TRPA1: variants seen among roughly 807,000 people sequenced by gnomAD.
TRPA1 encodes the protein transient receptor potential cation channel subfamily A member 1.
TRPA1 carries 129 observed loss-of-function variants against 131.3 expected under a neutral mutation model. That is an observed-to-expected ratio of 0.98 (90% CI 0.85 to 1.14). The LOEUF (loss-of-function observed/expected upper bound fraction) is 1.14, where lower values mean the gene tolerates loss of function less well. Ranked by LOEUF, TRPA1 falls within the 50% of genes most tolerant of loss-of-function variation. The pLI, the probability that TRPA1 is intolerant of heterozygous loss-of-function variation, is 0.00. For synonymous variants in TRPA1, 441 were observed against 451.7 expected, an observed-to-expected ratio of 0.98 and a Z score of 0.30; for missense variants, 1,304 against 1,354.2, an observed-to-expected ratio of 0.96 and a Z score of 0.58.
chr8:72,082,409 A>G, the TRPA1 span, among the ~76,000 whole-genome samples: 2 of 152,198 alleles, frequency 1.3e-5, no homozygotes, highest in Admixed American at 1.3e-4. Context: ...ACACAAACAC[A>G]CACACGGACT....
chr8:72,063,661 T>G (rs1805863139), intron 4 of TRPA1, 90 bp from the exon 5 acceptor site: 3 of 810,950 alleles, frequency 3.7e-6, no homozygotes, highest in African/African-American at 3.4e-5. Context: ...CCATATCATT[T>G]TACTATTATA....
chr8:72,065,553 C>G lies in TRPA1; in HGVS notation c.450G>C (p.Leu150Phe). The G allele has an allele frequency of 6.2e-7, 1 of 1,612,608 alleles. No homozygotes were observed. The highest frequency in any genetic ancestry group is 8.5e-7 in the Non-Finnish European group (1 of 1,179,068). Residue 150 changes from leucine (L) to phenylalanine (F), a missense_variant, in exon 4 of 27, where the codon TTG becomes TTC. Transcript: ENST00000262209. ...QGMNNEVMKV[L>F]LEHRTIDVNL... ...TAACATCAATAGTTCTATGCTCAAG[C>G]AAGACCTAAAAAAAGGGGAGAATAA...
rs914513728 is a variant in TRPA1 at position 72,056,921 on chromosome 8, A to G, written c.1190T>C (p.Met397Thr). The change falls in exon 10 of 27, where the codon ATG becomes ACG. Residue 397 changes from methionine to threonine, a missense_variant. By Grantham distance (81) the Met-to-Thr change is moderately conservative. Coordinates refer to ENST00000262209, the MANE Select transcript of TRPA1 (RefSeq NM_007332.3). Reference sequence around the variant, plus strand: ...CAATCCACAGATATACATTACCTGCATAAATTCAGGTCGCAGATTTTTTAA... The same window carrying G: ...CAATCCACAGATATACATTACCTGCGTAAATTCAGGTCGCAGATTTTTTAA... Reference protein sequence around the residue: ...YGLKNLRPEFMQMQQIKELVM... With the variant: ...YGLKNLRPEFTQMQQIKELVM... 3 of 1,605,912 alleles carry G rather than the reference A, an allele frequency of 1.9e-6. No homozygotes were observed. The highest frequency in any genetic ancestry group is 1.7e-6 in the Non-Finnish European group (2 of 1,175,722).
intron 21 of TRPA1, among the ~76,000 whole-genome samples, chr8:72,035,915 G>C (rs1812023140): frequency 6.6e-6 from 1 of 150,416 alleles, no homozygotes; most frequent in East Asian, 1.9e-4. Flanking sequence ...TAACTGGACT[G>C]GGGTGGATGC....
At chr8:72,046,847 G>A in intron 16 of TRPA1, among the ~76,000 whole-genome samples, 1 of 152,004 alleles carries the variant, frequency 6.6e-6, no homozygotes, top group South Asian at 2.1e-4. Flanking sequence ...GGCATGGAAA[G>A]AGAGGAGTTC....
chr8:72,078,172 A>T (rs1806224808), upstream of TRPA1, among the ~76,000 whole-genome samples: 1 of 151,992 alleles, frequency 6.6e-6, no homozygotes, highest in African/African-American at 2.4e-5. Context: ...AAAAATATTT[A>T]TTTTTAAAGT....
Position 72,075,490 on chromosome 8 carries a change from C to G in TRPA1, c.-81G>C. The G allele has an allele frequency of 8.2e-7, 1 of 1,218,858 alleles. No homozygotes were observed. The highest frequency in any genetic ancestry group is 1.2e-6 in the Non-Finnish European group (1 of 834,420). The allele number at this position is 1,218,858 out of a possible 1,614,324, so 75.5% of individuals were successfully genotyped here. On this transcript the variant is annotated 5_prime_UTR_variant, in exon 1 of 27. Transcript: ENST00000262209. ...GGGGCGAGAGAGCGCTGTCAGCCTGCCAGGCGCTGGGGTCCGCGCGAGCCC... is the reference window on the plus strand; with the variant it reads ...GGGGCGAGAGAGCGCTGTCAGCCTGGCAGGCGCTGGGGTCCGCGCGAGCCC...
intron 3 of TRPA1, among the ~76,000 whole-genome samples, chr8:72,068,003 G>A (rs142749990): frequency 6.6e-6 from 1 of 152,342 alleles, no homozygotes; most frequent in Non-Finnish European, 1.5e-5. Context: ...TAATTAGCCA[G>A]TAGGGAAGAA....
chr8:72,045,051 A>G (rs1812381512), intron 17 of TRPA1, among the ~76,000 whole-genome samples: 1 of 152,038 alleles, frequency 6.6e-6, no homozygotes, highest in South Asian at 2.1e-4. Flanking sequence ...AAAAACACAT[A>G]CATATGCAAC....
intron 13 of TRPA1, chr8:72,053,476 A>G: frequency 2.1e-6 from 1 of 465,462 alleles, no homozygotes; most frequent in Non-Finnish European, 4.0e-6. Flanking sequence ...TGGACCTACC[A>G]GGGAGTAAAC....
At chr8:72,046,964 A>C (rs1335353937) in intron 16 of TRPA1, among the ~76,000 whole-genome samples, 184 bp downstream of exon 16, 2 of 152,070 alleles carry the variant, frequency 1.3e-5, no homozygotes, top group Non-Finnish European at 2.9e-5. Flanking sequence ...AAACTATTAA[A>C]ATATTCGGGG....
chr8:72,048,690 G>A (rs573287320), intron 15 of TRPA1, among the ~76,000 whole-genome samples: 7 of 151,984 alleles, frequency 4.6e-5, no homozygotes, highest in African/African-American at 7.3e-5. Context: ...CATTATGTCC[G>A]GCTAAATTAA....
chr8:72,076,691 T>C (rs1806193637), upstream of TRPA1: 1 of 152,172 alleles, frequency 6.6e-6, no homozygotes, highest in Non-Finnish European at 1.5e-5. Flanking sequence ...AGAGTGGACA[T>C]GATGATATTG....
chr8:72,077,646 A>G (rs1806216133), upstream of TRPA1, among the ~76,000 whole-genome samples: 1 of 152,210 alleles, frequency 6.6e-6, no homozygotes, highest in Non-Finnish European at 1.5e-5. Context: ...AAGACCTCTC[A>G]GGAATTCCCA....
intron 1 of TRPA1, among the ~76,000 whole-genome samples, chr8:72,074,433 AT>A (rs926967939): frequency 6.6e-6 from 1 of 152,052 alleles, no homozygotes; most frequent in African/African-American, 2.4e-5. Flanking sequence ...TTGTGTAAGC[AT>A]TTTTTTTAAC....
At chr8:72,060,825 A>G (rs1201490227) in intron 7 of TRPA1, among the ~76,000 whole-genome samples, 1 of 150,738 alleles carries the variant, frequency 6.6e-6, no homozygotes, top group Non-Finnish European at 1.5e-5. Flanking sequence ...GCGTGCATTT[A>G]TTAGAAACAG....
At chr8:72,086,951 C>T in the TRPA1 span, among the ~76,000 whole-genome samples, 1 of 152,210 alleles carries the variant, frequency 6.6e-6, no homozygotes, top group Non-Finnish European at 1.5e-5. Flanking sequence ...GATCCCAGTA[C>T]TAAAATGGCC....
chr8:72,067,464 C>A (rs1468493247), intron 3 of TRPA1, among the ~76,000 whole-genome samples: 1 of 152,146 alleles, frequency 6.6e-6, no homozygotes, highest in African/African-American at 2.4e-5. Flanking sequence ...ATGTCTATCA[C>A]TGAGTTTATG....
chr8:72,086,086 A>G, the TRPA1 span, among the ~76,000 whole-genome samples: 8 of 151,988 alleles, frequency 5.3e-5, no homozygotes, highest in African/African-American at 1.9e-4. Flanking sequence ...TATTTTTAGT[A>G]GAGATGGGGT....
Sources: allele counts gnomAD v4.1 joint callset (sites outside exome capture counted in the v4.1 genomes callset), GRCh38; gene constraint gnomAD v4.1.1; transcripts MANE v1.5; gene names NCBI Gene and HGNC (gene_info 2026-07-23, HGNC 2026-07-21).